PARP4: variants seen among roughly 807,000 people sequenced by gnomAD.
The protein encoded by PARP4 is poly(ADP-ribose) polymerase family member 4, also known as protein mono-ADP-ribosyltransferase PARP4.
In PARP4, 120 loss-of-function variants were observed where a neutral mutation model predicts 187.7. The ratio of observed to expected loss-of-function variants is 0.64; its 90% CI spans 0.55 to 0.74. The LOEUF (loss-of-function observed/expected upper bound fraction) is 0.74, where lower values mean the gene tolerates loss of function less well. Ranked by LOEUF, PARP4 falls within the 30% of genes least tolerant of loss-of-function variation. The pLI, the probability that PARP4 is intolerant of heterozygous loss-of-function variation, is 0.00. For missense variants in PARP4, 1,836 were observed against 2,070.5 expected, an observed-to-expected ratio of 0.89 and a Z score of 2.20; for synonymous variants, 654 against 740.9, an observed-to-expected ratio of 0.88 and a Z score of 1.90.
In PARP4 at chr13:24,455,024, G is replaced by A. The variant is rs759371738; in HGVS notation, c.2751C>T (p.Phe917=). The A allele has an allele frequency of 1.2e-5, 19 of 1,598,990 alleles. No individual in the cohort carries two copies. Among genetic ancestry groups the A allele is most frequent in the Admixed American group, 3.4e-5 (2 of 59,610 alleles). Residue 917 remains phenylalanine, a synonymous_variant, in exon 22 of 34, where the codon TTC becomes TTT. Transcript: ENST00000381989. The stretch of plus-strand genomic sequence containing the variant: ...GGGCCAAAGCGCACTCACCTGTGCC[G>A]AACTGGATAATATTTACTTTCTGCT... ...GEKQKVNIIQ[F]GTGYKELFSY... is the part of the protein sequence containing the mutation.
intron 6 of PARP4, among the ~76,000 whole-genome samples, chr13:24,496,767 G>A (rs1053816382): frequency 1.9e-4 from 29 of 152,322 alleles, no homozygotes; most frequent in Middle Eastern, 3.4e-3. Flanking sequence ...GCTCATGCCT[G>A]TAATCCCAGC....
At chr13:24,511,907 T>G (rs1212507077) in intron 1 of PARP4, among the ~76,000 whole-genome samples, 2 of 152,200 alleles carry the variant, frequency 1.3e-5, no homozygotes, top group East Asian at 3.8e-4. Flanking sequence ...GTACTACTTT[T>G]ATTTCACTCC....
chr13:24,477,942 T>C (rs1873071170), intron 13 of PARP4, 85 bp from the exon 14 acceptor site: 1 of 1,162,126 alleles, frequency 8.6e-7, no homozygotes, highest in African/African-American at 1.6e-5. Context: ...AAAGCATGTT[T>C]GCTAATTTAG....
At chr13:24,484,801 T>A in intron 11 of PARP4, 53 bp from the exon 12 acceptor site, 1 of 1,228,316 alleles carries the variant, frequency 8.1e-7, no homozygotes, top group Non-Finnish European at 1.2e-6. Flanking sequence ...CTGCATCTCT[T>A]CCTTGCTCAG....
intron 10 of PARP4, among the ~76,000 whole-genome samples, chr13:24,489,380 C>T (rs1479777637): frequency 1.1e-4 from 17 of 152,042 alleles, no homozygotes; most frequent in Non-Finnish European, 1.5e-4. Context: ...GAGGCCGAGG[C>T]TGGCAGATCA....
chr13:24,509,277 G>A (rs1002670584), intron 1 of PARP4, among the ~76,000 whole-genome samples: 41 of 152,262 alleles, frequency 2.7e-4, no homozygotes, highest in Middle Eastern at 3.4e-3. Context: ...GAGACCAAGT[G>A]GAGCAAATCG....
intron 18 of PARP4, chr13:24,459,628 C>T (rs556441104): frequency 1.1e-5 from 4 of 379,060 alleles, no homozygotes; most frequent in Non-Finnish European, 1.9e-5. Context: ...GAAGTATTAA[C>T]CATTAACTCT....
intron 22 of PARP4, 147 bp downstream of exon 22, chr13:24,454,870 C>G (rs1871736014): frequency 1.7e-6 from 1 of 579,332 alleles, no homozygotes; most frequent in Non-Finnish European, 2.9e-6. Flanking sequence ...CCTAGGGGGT[C>G]CAGCTCCAGA....
chr13:24,446,364 T>G (rs534358658), intron 27 of PARP4, among the ~76,000 whole-genome samples: 3 of 152,304 alleles, frequency 2.0e-5, no homozygotes, highest in Middle Eastern at 3.4e-3. Flanking sequence ...GTAATGAAAT[T>G]TCAACACAGG....
At chr13:24,497,509 A>G (rs1674569926) in intron 6 of PARP4, among the ~76,000 whole-genome samples, 2 of 152,120 alleles carry the variant, frequency 1.3e-5, no homozygotes, top group African/African-American at 4.8e-5. Context: ...AATGCTATAC[A>G]CCCTGCACCC....
At chr13:24,468,131 T>TA (rs1436247715) in intron 17 of PARP4, among the ~76,000 whole-genome samples, 4 of 152,116 alleles carry the variant, frequency 2.6e-5, no homozygotes, top group Non-Finnish European at 5.9e-5. Flanking sequence ...ATAACTAAAA[T>TA]ACCTGCACTA....
In PARP4 at chr13:24,443,720, T is replaced by C. The variant is rs370879363; in HGVS notation, c.3377A>G (p.Lys1126Arg). The C allele has an allele frequency of 6.4e-5, 103 of 1,613,174 alleles. No individual in the cohort carries two copies. In the African/African-American group the frequency reaches 8.9e-4, roughly 14 times the overall value. ...LQKTTGTMIH[K>R]LAARALIRDY... Reference sequence around the variant, plus strand: ...TCTGATTAGAGCTCGGGCTGCCAGCTTGTGGATCATCTGTGTTTAAGCAGC... The same window carrying C: ...TCTGATTAGAGCTCGGGCTGCCAGCCTGTGGATCATCTGTGTTTAAGCAGC... The change falls in exon 28 of 34, where the codon AAG becomes AGG. Residue 1126 changes from lysine (K) to arginine (R), a missense_variant. Around this residue, in one of 8 missense-constraint regions of PARP4, gnomAD observed 56 missense variants for 56.6 expected, o/e 0.99. Transcript: ENST00000381989.
chr13:24,487,775 G>T (rs1868397126), intron 10 of PARP4, among the ~76,000 whole-genome samples: 1 of 152,144 alleles, frequency 6.6e-6, no homozygotes, highest in African/African-American at 2.4e-5. Context: ...AAATATTCCA[G>T]ACCAGGACTT....
intron 30 of PARP4, among the ~76,000 whole-genome samples, chr13:24,440,171 G>A (rs570937623): frequency 6.6e-6 from 1 of 152,142 alleles, no homozygotes; most frequent in Non-Finnish European, 1.5e-5. Context: ...ACTTTGGGAG[G>A]CCGAGGCGGG....
At chr13:24,487,527 A>G (rs1333061964) in intron 10 of PARP4, among the ~76,000 whole-genome samples, 1 of 152,202 alleles carries the variant, frequency 6.6e-6, no homozygotes, top group East Asian at 1.9e-4. Context: ...CAACAGATGA[A>G]GGACACTTTG....
intron 10 of PARP4, among the ~76,000 whole-genome samples, chr13:24,488,100 T>G (rs1428512105): frequency 6.6e-6 from 1 of 152,146 alleles, no homozygotes; most frequent in East Asian, 1.9e-4. Flanking sequence ...GCTGTGTGAC[T>G]GCTTTTGTAC....
At chr13:24,451,097 CCA>C (rs1871493362) in intron 24 of PARP4, among the ~76,000 whole-genome samples, 2 of 152,142 alleles carry the variant, frequency 1.3e-5, no homozygotes, top group Non-Finnish European at 2.9e-5. Context: ...TCTCCCAGCC[CCA>C]GAGTCGGGGC....
At position 24,457,765 on chromosome 13, in the gene PARP4, T is replaced by C. The variant is rs755838509; in HGVS notation, c.2424+1279A>G. On this transcript the variant is annotated intron_variant, in intron 20 of 33. Transcript: ENST00000381989. ...CAACCTGGGAAACAGAGTAAGACTC[T>C]GTCTCAAAAAAAAAAAAAAAAAAAA... Among the ~76,000 whole-genome samples the C allele has an allele frequency of 9.1e-3, 857 of 94,420 alleles. 13 individuals are homozygous for C. Among genetic ancestry groups the C allele is most frequent in the Middle Eastern group, 0.018 (2 of 112 alleles). 61.9% of individuals were successfully genotyped at this position (94,420 alleles called of 152,430 possible). A position where few individuals can be genotyped will look rare whatever the true frequency, so the allele number is the denominator to read the frequency against.
intron 30 of PARP4, among the ~76,000 whole-genome samples, chr13:24,440,783 T>C (rs1345926530): frequency 6.6e-6 from 1 of 152,236 alleles, no homozygotes; most frequent in African/African-American, 2.4e-5. Context: ...TTGTGATCTT[T>C]GCCAACCTGA....
Sources: allele counts gnomAD v4.1 joint callset (sites outside exome capture counted in the v4.1 genomes callset), GRCh38; gene constraint gnomAD v4.1.1; regional missense constraint gnomAD v4.1.1; transcripts MANE v1.5; gene names NCBI Gene and HGNC (gene_info 2026-07-23, HGNC 2026-07-21).